ITGA9: variants seen among roughly 807,000 people sequenced by gnomAD.
ITGA9 encodes the protein integrin subunit alpha 9.
ITGA9 carries 56 observed loss-of-function variants against 127.8 expected under a neutral mutation model. The observed-to-expected ratio is 0.44, with a 90% CI of 0.35 to 0.55. The LOEUF (loss-of-function observed/expected upper bound fraction) is 0.55. Ranked by LOEUF, ITGA9 falls within the 20% of genes least tolerant of loss-of-function variation. The pLI, the probability that ITGA9 is intolerant of heterozygous loss-of-function variation, is 0.00. For synonymous variants in ITGA9, 508 were observed against 514.5 expected (o/e 0.99, Z 0.17); for missense variants, 1,196 against 1,347.1 (o/e 0.89, Z 1.76).
At chr3:37,739,733 G>A (rs1696409633) in intron 20 of ITGA9, among the ~76,000 whole-genome samples, 1 of 152,178 alleles carries the variant, frequency 6.6e-6, no homozygotes, top group Non-Finnish European at 1.5e-5. Context: ...AGCTCATTCT[G>A]GAGCAGTCAC....
Position 37,719,824 on chromosome 3 carries a change from A to G in ITGA9, c.2068-12888A>G, listed in dbSNP as rs145431827. ...GCCCATACAAACTAATTGCACCCCA[A>G]TGCTTGTCCCAAAGTCTGCTCAGAT... On this transcript the variant is annotated intron_variant, in intron 18 of 27. Coordinates refer to ENST00000264741, the MANE Select transcript of ITGA9 (RefSeq NM_002207.3). 3.4e-3 allele frequency among the ~76,000 whole-genome samples: 523 copies of G among 152,230 alleles called. 6 individuals carry two copies. The highest frequency in any genetic ancestry group is 0.012 in the African/African-American group (497 of 41,534).
At chr3:37,762,584 G>A (rs1442304153) in intron 23 of ITGA9, among the ~76,000 whole-genome samples, 1 of 152,168 alleles carries the variant, frequency 6.6e-6, no homozygotes, top group African/African-American at 2.4e-5. Flanking sequence ...TCTGGGAAAG[G>A]CCTGGAAAGA....
intron 23 of ITGA9, among the ~76,000 whole-genome samples, chr3:37,771,078 C>T (rs550079774): frequency 9.9e-5 from 15 of 152,276 alleles, no homozygotes; most frequent in Admixed American, 2.6e-4. Flanking sequence ...TCTGCCAGCT[C>T]CCAGAGGCCC....
At chr3:37,743,758 C>G (rs1696466105) in intron 21 of ITGA9, among the ~76,000 whole-genome samples, 168 bp from the exon 22 acceptor site, 1 of 152,208 alleles carries the variant, frequency 6.6e-6, no homozygotes, top group Admixed American at 6.5e-5. Flanking sequence ...CACTACTATT[C>G]ATGCCTGGTC....
At chr3:37,641,348 G>A (rs1700331831) in intron 16 of ITGA9, among the ~76,000 whole-genome samples, 1 of 152,142 alleles carries the variant, frequency 6.6e-6, no homozygotes, top group Non-Finnish European at 1.5e-5. Context: ...ACTGGTCCCT[G>A]GTGCCATAAA....
intron 2 of ITGA9, among the ~76,000 whole-genome samples, 198 bp from the exon 3 acceptor site, chr3:37,473,156 A>G (rs1290471708): frequency 6.6e-6 from 1 of 151,484 alleles, no homozygotes; most frequent in Non-Finnish European, 1.5e-5. Flanking sequence ...AAAAAAAAAA[A>G]AAAAAGAAAG....
intron 16 of ITGA9, among the ~76,000 whole-genome samples, chr3:37,643,035 A>G (rs1359305198): frequency 6.6e-6 from 1 of 152,184 alleles, no homozygotes; most frequent in Non-Finnish European, 1.5e-5. Flanking sequence ...AGAGGGTGGG[A>G]GAGTAGAAGA....
At chr3:37,705,825 A>G (rs56791214) in intron 18 of ITGA9, among the ~76,000 whole-genome samples, 17,224 of 152,238 alleles carry the variant, frequency 0.11, 1,811 homozygotes, top group African/African-American at 0.29. Context: ...TTTTAAAGCA[A>G]TGATTCACCC....
chr3:37,478,583 C>G (rs993954051), intron 3 of ITGA9, among the ~76,000 whole-genome samples: 3 of 152,156 alleles, frequency 2.0e-5, no homozygotes, highest in African/African-American at 7.2e-5. Flanking sequence ...TCAGAGAATG[C>G]TCTCCTTCTC....
intron 15 of ITGA9, among the ~76,000 whole-genome samples, chr3:37,583,263 G>A (rs1699726961): frequency 1.3e-5 from 2 of 152,210 alleles, no homozygotes; most frequent in African/African-American, 4.8e-5. Flanking sequence ...TAGCTCACCT[G>A]TGGGTCATGA....
At chr3:37,554,609 C>T (rs1699412128) in intron 15 of ITGA9, among the ~76,000 whole-genome samples, 1 of 152,008 alleles carries the variant, frequency 6.6e-6, no homozygotes, top group Admixed American at 6.6e-5. Flanking sequence ...CTGAGCGTTA[C>T]CCAGGGAAGA....
chr3:37,719,826 G>A (rs1701172456), intron 18 of ITGA9, among the ~76,000 whole-genome samples: 1 of 152,148 alleles, frequency 6.6e-6, no homozygotes, highest in African/African-American at 2.4e-5. Flanking sequence ...GCACCCCAAT[G>A]CTTGTCCCAA....
intron 2 of ITGA9, among the ~76,000 whole-genome samples, chr3:37,473,151 A>AG (rs1698452355): frequency 6.6e-6 from 1 of 151,566 alleles, no homozygotes; most frequent in Non-Finnish European, 1.5e-5. Flanking sequence ...AAAAAAAAAA[A>AG]AAAAAAAAAA....
rs138807681 is a variant in ITGA9, at chr3:37,798,207, C to T, written c.2890-5616C>T. Among the ~76,000 whole-genome samples the T allele has an allele frequency of 4.1e-3, 625 of 152,274 alleles. 6 individuals carry two copies. The highest frequency in any genetic ancestry group is 0.014 in the African/African-American group (587 of 41,546). ...GTCTCACTATGTTACCCAGGCTCATCTTGAACTCCTAGGCTCAAGCAACCC... is the reference window on the plus strand; with the variant it reads ...GTCTCACTATGTTACCCAGGCTCATTTTGAACTCCTAGGCTCAAGCAACCC... On this transcript the variant is annotated intron_variant, in intron 26 of 27. Coordinates refer to ENST00000264741, the MANE Select transcript of ITGA9 (RefSeq NM_002207.3).
chr3:37,717,619 T>A (rs1204806873), intron 18 of ITGA9, among the ~76,000 whole-genome samples: 1 of 152,062 alleles, frequency 6.6e-6, no homozygotes, highest in Admixed American at 6.6e-5. Context: ...CTTTTAAACC[T>A]TCAGATCTCA....
At chr3:37,762,695 C>G (rs1696736937) in intron 23 of ITGA9, among the ~76,000 whole-genome samples, 1 of 152,236 alleles carries the variant, frequency 6.6e-6, no homozygotes, top group Non-Finnish European at 1.5e-5. Context: ...CAGCAGCAGC[C>G]ATTTCAAACG....
chr3:37,724,646 C>T (rs1156381898), intron 18 of ITGA9, among the ~76,000 whole-genome samples: 1 of 152,128 alleles, frequency 6.6e-6, no homozygotes, highest in Non-Finnish European at 1.5e-5. Context: ...CAGGCATCTG[C>T]CCACCACGCC....
chr3:37,812,587 T>C (rs1216820885), intron 27 of ITGA9, among the ~76,000 whole-genome samples: 2 of 152,308 alleles, frequency 1.3e-5, no homozygotes, highest in South Asian at 2.1e-4. Flanking sequence ...TTTGGATACA[T>C]GGTTATATGA....
At chr3:37,609,143 C>T (rs924622277) in intron 15 of ITGA9, among the ~76,000 whole-genome samples, 1 of 152,132 alleles carries the variant, frequency 6.6e-6, no homozygotes, top group Admixed American at 6.6e-5. Flanking sequence ...GCTTGCCCGC[C>T]TCTTCCATCA....
Sources: gnomAD v4.1 joint callset for allele counts (sites outside exome capture counted in the v4.1 genomes callset) on GRCh38, gnomAD v4.1.1 for gene constraint, MANE v1.5 for transcripts, NCBI Gene and HGNC (gene_info 2026-07-23, HGNC 2026-07-21) for gene names.